The following CHN2 variants were observed in gnomAD, a reference collection of about 807,000 sequenced individuals.
CHN2 encodes beta-chimaerin.
In CHN2, 35 loss-of-function variants were observed where a neutral mutation model predicts 56.3. The observed-to-expected ratio is 0.62, with a 90% CI of 0.47 to 0.82. CHN2 has a LOEUF of 0.82. Ranked by LOEUF, CHN2 falls within the 40% of genes least tolerant of loss-of-function variation. The pLI, the probability that CHN2 is intolerant of heterozygous loss-of-function variation, is 0.00. For missense variants in CHN2, 491 were observed against 580.5 expected (o/e 0.85, Z 1.58); for synonymous variants, 210 against 212.8 (o/e 0.99, Z 0.12).
rs1222953463 is a variant in CHN2, at chr7:29,312,496, G to A, written c.50-42129G>A. 2.0e-5 allele frequency among the ~76,000 whole-genome samples: 3 copies of A among 152,214 alleles called. No individual in the cohort carries two copies. The East Asian group carries it at 5.8e-4, about 29-fold the overall frequency. On this transcript the variant is annotated intron_variant, in intron 1 of 12. Coordinates refer to ENST00000222792, the MANE Select transcript of CHN2 (RefSeq NM_004067.4). ...TAGATTTTGTCTGGGGGCAGAAGAA[G>A]GGAAAAGAAGCTAACTTTATTATAG...
At chr7:29,180,606 G>A (rs1444436371) in intron 2 of CHN2, among the ~76,000 whole-genome samples, 1 of 151,400 alleles carries the variant, frequency 6.6e-6, no homozygotes, top group Non-Finnish European at 1.5e-5. Context: ...ATCAAATTAA[G>A]GCAAATGATG....
intron 1 of CHN2, among the ~76,000 whole-genome samples, chr7:29,253,109 C>G (rs917083741): frequency 6.6e-6 from 1 of 152,168 alleles, no homozygotes; most frequent in African/African-American, 2.4e-5. Flanking sequence ...CCAACAGCAA[C>G]TCAACTATAG....
intron 2 of CHN2, chr7:29,186,527 A>G (rs1459733697): frequency 6.6e-6 from 1 of 151,678 alleles, no homozygotes; most frequent in Non-Finnish European, 1.5e-5. Context: ...GTGAGCTGTG[A>G]TCGTGTCACT....
intron 1 of CHN2, among the ~76,000 whole-genome samples, chr7:29,340,108 T>C (rs1562529497): frequency 6.6e-6 from 1 of 152,096 alleles, no homozygotes; most frequent in Non-Finnish European, 1.5e-5. Flanking sequence ...ATGTCTTAGA[T>C]GACTAAAAAT....
rs1795532207 is a variant in CHN2 at position 29,163,863 on chromosome 7, T to TTTCATTGCTGAA, written c.274+16918_274+16929dup. 2.0e-5 allele frequency among the ~76,000 whole-genome samples: 3 copies of TTTCATTGCTGAA among 152,238 alleles called. No individual in the cohort carries two copies. In the South Asian group the frequency reaches 6.2e-4, roughly 32 times the overall value. ...TTATGCATATCAATAGTTCACTCCT[T>TTTCATTGCTGAA]TTCATTGCTGAATTCATTGCTGAAT... On this transcript the variant is annotated intron_variant, in intron 2 of 6. Coordinates refer to the CHN2 transcript ENST00000439384.
intron 3 of CHN2, among the ~76,000 whole-genome samples, chr7:29,379,787 C>T (rs141009246): frequency 2.4e-3 from 361 of 152,176 alleles, no homozygotes; most frequent in Non-Finnish European, 3.8e-3. Flanking sequence ...TGAGAGCTGT[C>T]GAAAACACTA....
At chr7:29,445,925 T>A (rs1783999292) in intron 6 of CHN2, among the ~76,000 whole-genome samples, 1 of 152,032 alleles carries the variant, frequency 6.6e-6, no homozygotes, top group African/African-American at 2.4e-5. Flanking sequence ...CCCCCGAGAT[T>A]CTTGCCTTAC....
exon 2 of CHN2, chr7:29,146,960 A>G (rs245881): frequency 0.78 from 1,214,956 of 1,550,798 alleles, 477,728 homozygotes; most frequent in East Asian, 0.99. Context: ...CTGCACTAGC[A>G]GTAAGCTCGC....
intron 10 of CHN2, among the ~76,000 whole-genome samples, chr7:29,506,349 C>G (rs1790563791): frequency 6.6e-6 from 1 of 152,044 alleles, no homozygotes; most frequent in Non-Finnish European, 1.5e-5. Context: ...AAATAACTGT[C>G]AAAATAGGCC....
chr7:29,213,169 A>T (rs771574687), intron 1 of CHN2: 7 of 1,435,160 alleles, frequency 4.9e-6, no homozygotes, highest in Non-Finnish European at 6.8e-6. Context: ...CAAACCATGG[A>T]TTTATTCCTA....
chr7:29,476,963 CG>C (rs1554299435), intron 6 of CHN2, among the ~76,000 whole-genome samples: 1 of 152,082 alleles, frequency 6.6e-6, no homozygotes, highest in Non-Finnish European at 1.5e-5. Context: ...TAGAAGAAGA[CG>C]GTCAGCAAAT....
intron 1 of CHN2, among the ~76,000 whole-genome samples, chr7:29,217,702 A>G (rs1785448532): frequency 6.6e-6 from 1 of 152,202 alleles, no homozygotes; most frequent in Non-Finnish European, 1.5e-5. Context: ...TTCCTTTAAT[A>G]GCTCGGAGCA....
At position 29,400,365 on chromosome 7, in the gene CHN2, A is replaced by G. The variant is rs530644199; in HGVS notation, c.291-178A>G. ...GTTACCTTTGCGGTAAGACAGGCAT[A>G]ACCATTATACCGTCTCAAAGGGTCT... On this transcript the variant is annotated intron_variant, in intron 5 of 12. Coordinates refer to ENST00000222792, the MANE Select transcript of CHN2 (RefSeq NM_004067.4). 25 of 633,316 alleles carry G rather than the reference A, an allele frequency of 3.9e-5. 1 individual carries two copies. The South Asian group carries it at 5.2e-4, about 13-fold the overall frequency. 39.2% of individuals were successfully genotyped at this position (633,316 alleles called of 1,614,324 possible). A position where few individuals can be genotyped will look rare whatever the true frequency, so the allele number is the denominator to read the frequency against.
intron 1 of CHN2, among the ~76,000 whole-genome samples, chr7:29,211,539 G>T (rs1029638994): frequency 3.3e-5 from 5 of 151,230 alleles, no homozygotes; most frequent in Non-Finnish European, 5.9e-5. Flanking sequence ...TATATATGAT[G>T]TGCTCTGAGA....
intron 1 of CHN2, among the ~76,000 whole-genome samples, chr7:29,297,140 CAG>C (rs1385295371): frequency 2.0e-5 from 3 of 152,180 alleles, no homozygotes; most frequent in Admixed American, 6.5e-5. Context: ...AAAGGGGAAA[CAG>C]GGACCCTCAG....
At chr7:29,306,251 C>T (rs992574624) in intron 1 of CHN2, among the ~76,000 whole-genome samples, 1 of 152,146 alleles carries the variant, frequency 6.6e-6, no homozygotes, top group African/African-American at 2.4e-5. Context: ...TGAAAGCATT[C>T]TATTGCCTTA....
chr7:29,499,783 T>C (rs1342308806), intron 8 of CHN2, 84 bp from the exon 9 acceptor site: 3 of 1,291,194 alleles, frequency 2.3e-6, no homozygotes, highest in East Asian at 4.8e-5. Flanking sequence ...TGGGTGGTGA[T>C]ATTTTTATTT....
At chr7:29,308,589 G>A (rs923346595) in intron 1 of CHN2, among the ~76,000 whole-genome samples, 31 of 152,172 alleles carry the variant, frequency 2.0e-4, no homozygotes, top group Non-Finnish European at 2.9e-5. Flanking sequence ...CAGGATCTCT[G>A]CAGTCACCTG....
chr7:29,327,981 A>G (rs973573713), intron 1 of CHN2, among the ~76,000 whole-genome samples: 12 of 152,206 alleles, frequency 7.9e-5, no homozygotes, highest in African/African-American at 2.9e-4. Flanking sequence ...CCAAAGCATA[A>G]TGTTTGATTG....
Sources: gnomAD v4.1 joint callset for allele counts (sites outside exome capture counted in the v4.1 genomes callset) on GRCh38, gnomAD v4.1.1 for gene constraint, MANE v1.5 for transcripts, NCBI Gene and HGNC (gene_info 2026-07-23, HGNC 2026-07-21) for gene names.